Variants in RRP15 observed in about 807,000 individuals in gnomAD.
RRP15 encodes ribosomal RNA processing 15 homolog, also known as RRP15-like protein.
Under a neutral mutation model 27.1 loss-of-function variants are expected in RRP15, and 18 were observed. The observed-to-expected ratio is 0.66, with a 90% CI of 0.46 to 0.98. RRP15 has a LOEUF of 0.98. RRP15 is among the 50% of genes least tolerant of loss of function. RRP15 has a pLI of 0.00. For missense variants in RRP15, 359 were observed against 337.8 expected, an observed-to-expected ratio of 1.06 and a Z score of -0.49; for synonymous variants, 107 against 109.4, an observed-to-expected ratio of 0.98 and a Z score of 0.14.
intron 1 of RRP15, among the ~76,000 whole-genome samples, chr1:218,287,796 G>A (rs910929330): frequency 6.6e-6 from 1 of 152,130 alleles, no homozygotes; most frequent in African/African-American, 2.4e-5. Context: ...TCAAAAGTAT[G>A]TCTTGTTTAT....
chr1:218,311,145 A>C (rs960310466), intron 4 of RRP15, among the ~76,000 whole-genome samples: 2 of 152,236 alleles, frequency 1.3e-5, no homozygotes, highest in African/African-American at 4.8e-5. Flanking sequence ...GTTAAATAAA[A>C]TAACCACTGC....
In RRP15 at chr1:218,332,842, A is replaced by G. The variant is rs1022726080; in HGVS notation, c.*1751A>G. The G allele has an allele frequency of 9.9e-5, 15 of 151,734 alleles. No individual in the cohort carries two copies. The highest frequency in any genetic ancestry group is 1.9e-4 in the Non-Finnish European group (13 of 67,906). 9.4% of individuals were successfully genotyped at this position (151,734 alleles called of 1,614,324 possible). ...TAACTTAATACAGATACATATTTCA[A>G]TATGACTTAACAAACACACAATTTT... is the stretch of plus-strand genomic sequence containing the variant. On this transcript the variant is annotated 3_prime_UTR_variant, in exon 5 of 5. Coordinates refer to ENST00000366932, the MANE Select transcript of RRP15 (RefSeq NM_016052.4).
chr1:218,300,094 G>A lies in RRP15; in HGVS notation c.140-2200G>A, dbSNP rs73108385. 4.4e-3 allele frequency among the ~76,000 whole-genome samples: 672 copies of A among 151,984 alleles called. 4 individuals are homozygous for A. The highest frequency in any genetic ancestry group is 0.015 in the African/African-American group (638 of 41,462). ...TTCAGATTTCTTAAATTGACCCAGC[G>A]TATAAGATACAGAAAAAACTTCAAA... is the stretch of plus-strand genomic sequence containing the variant. On this transcript the variant is annotated intron_variant, in intron 1 of 4. Transcript: ENST00000366932.
intron 1 of RRP15, chr1:218,301,995 C>T (rs1558204335): frequency 3.2e-6 from 1 of 312,382 alleles, no homozygotes; most frequent in Non-Finnish European, 5.9e-6. Flanking sequence ...ACATCTGTCA[C>T]CATTTTGACA....
chr1:218,305,735 G>A (rs1237721344), intron 3 of RRP15, among the ~76,000 whole-genome samples: 2 of 152,172 alleles, frequency 1.3e-5, no homozygotes, highest in African/African-American at 4.8e-5. Context: ...TGCTGCTAAA[G>A]AACCTAGCAG....
At chr1:218,315,623 T>G (rs1400653955) in intron 4 of RRP15, among the ~76,000 whole-genome samples, 1 of 151,652 alleles carries the variant, frequency 6.6e-6, no homozygotes, top group Non-Finnish European at 1.5e-5. Flanking sequence ...TTTTTTTTTT[T>G]TGTATTTTTA....
Position 218,318,580 on chromosome 1 carries a change from C to T in RRP15, c.705+10948C>T, listed in dbSNP as rs544454221. ...TCCTGTAAGCTAGAAGTTAGGACTA[C>T]GGGCTTGCTGAGATTTAGGTTAAAC... On this transcript the variant is annotated intron_variant, in intron 4 of 4. Transcript: ENST00000366932. 2.1e-3 allele frequency among the ~76,000 whole-genome samples: 325 copies of T among 152,244 alleles called. 2 individuals carry two copies. The highest frequency in any genetic ancestry group is 7.5e-3 in the African/African-American group (310 of 41,530).
At chr1:218,312,192 C>T (rs1284373796) in intron 4 of RRP15, among the ~76,000 whole-genome samples, 1 of 152,046 alleles carries the variant, frequency 6.6e-6, no homozygotes, top group Non-Finnish European at 1.5e-5. Context: ...GTTATGGCAG[C>T]CACAGGAAAC....
intron 1 of RRP15, 147 bp from the exon 2 acceptor site, chr1:218,302,147 T>G: frequency 1.6e-6 from 1 of 631,042 alleles, no homozygotes; most frequent in Non-Finnish European, 2.8e-6. Flanking sequence ...CTATTGCTCT[T>G]CATCATTACT....
chr1:218,316,353 A>G (rs1402656352), intron 4 of RRP15, among the ~76,000 whole-genome samples: 1 of 152,210 alleles, frequency 6.6e-6, no homozygotes, highest in East Asian at 1.9e-4. Flanking sequence ...GGCTTTAAAA[A>G]AAAATTATCC....
At chr1:218,324,503 C>T (rs536080836) in intron 4 of RRP15, among the ~76,000 whole-genome samples, 180 of 152,292 alleles carry the variant, frequency 1.2e-3, no homozygotes, top group African/African-American at 4.0e-3. Context: ...CTGCTGCTTC[C>T]GCTCCTGCTA....
At chr1:218,289,978 G>A (rs1655608924) in intron 1 of RRP15, among the ~76,000 whole-genome samples, 1 of 152,098 alleles carries the variant, frequency 6.6e-6, no homozygotes, top group Non-Finnish European at 1.5e-5. Context: ...CACTGTGCCT[G>A]GCCTTGCCTG....
intron 4 of RRP15, among the ~76,000 whole-genome samples, chr1:218,319,017 G>C (rs1391004844): frequency 6.6e-6 from 1 of 151,812 alleles, no homozygotes; most frequent in Non-Finnish European, 1.5e-5. Flanking sequence ...TGGTCTTCCA[G>C]AGTAAGGAGT....
At chr1:218,314,281 C>T (rs990970524) in intron 4 of RRP15, among the ~76,000 whole-genome samples, 13 of 152,186 alleles carry the variant, frequency 8.5e-5, no homozygotes, top group African/African-American at 3.1e-4. Flanking sequence ...ATTAATACCT[C>T]TGTTCCTCTA....
Position 218,337,748 on chromosome 1 carries a change from C to T in RRP15, c.*6657C>T, listed in dbSNP as rs1227652311. On this transcript the variant is annotated 3_prime_UTR_variant, in exon 5 of 5. Coordinates refer to ENST00000366932, the MANE Select transcript of RRP15 (RefSeq NM_016052.4). ...ACACTAAAACAGTTTTTATTTTTTG[C>T]TTACTTATTCTGTTCTAGAATCCAA... The T allele has an allele frequency of 1.3e-5, 2 of 151,864 alleles. No homozygotes were observed. The highest frequency in any genetic ancestry group is 4.8e-5 in the African/African-American group (2 of 41,368). The allele number at this position is 151,864 out of a possible 1,614,324, so 9.4% of individuals were successfully genotyped here. A position where few individuals can be genotyped will look rare whatever the true frequency, so the allele number is the denominator to read the frequency against.
At chr1:218,327,748 C>T (rs1279867441) in intron 4 of RRP15, among the ~76,000 whole-genome samples, 1 of 152,066 alleles carries the variant, frequency 6.6e-6, no homozygotes, top group Non-Finnish European at 1.5e-5. Context: ...AAAAATGCTA[C>T]TGTAATGATT....
intron 4 of RRP15, among the ~76,000 whole-genome samples, chr1:218,321,745 G>GTTAAAT (rs1214607652): frequency 6.6e-6 from 1 of 151,906 alleles, no homozygotes; most frequent in African/African-American, 2.4e-5. Context: ...TTCTCAGGAT[G>GTTAAAT]TCTTAACATT....
chr1:218,290,168 A>G (rs1265896964), intron 1 of RRP15, among the ~76,000 whole-genome samples: 1 of 152,200 alleles, frequency 6.6e-6, no homozygotes, highest in Non-Finnish European at 1.5e-5. Context: ...AAAAAAAATC[A>G]ATGAAAAAGA....
At chr1:218,304,392 T>C (rs1165027728) in intron 2 of RRP15, among the ~76,000 whole-genome samples, 3 of 152,346 alleles carry the variant, frequency 2.0e-5, no homozygotes, top group Non-Finnish European at 4.4e-5. Flanking sequence ...AACTAAATTA[T>C]GTTACCTAGG....
Sources: gnomAD v4.1 joint callset for allele counts (sites outside exome capture counted in the v4.1 genomes callset) on GRCh38, gnomAD v4.1.1 for gene constraint, MANE v1.5 for transcripts, NCBI Gene and HGNC (gene_info 2026-07-23, HGNC 2026-07-21) for gene names.